SMYD3: variants seen among roughly 807,000 people sequenced by gnomAD.
SMYD3 encodes SET and MYND domain containing 3.
In SMYD3, 36 loss-of-function variants were observed where a neutral mutation model predicts 57.7. The ratio of observed to expected loss-of-function variants is 0.62; its 90% CI spans 0.48 to 0.82. The LOEUF (loss-of-function observed/expected upper bound fraction) is 0.82, where lower values mean the gene tolerates loss of function less well. Ranked by LOEUF, SMYD3 falls within the 40% of genes least tolerant of loss-of-function variation. SMYD3 has a pLI of 0.00. For missense variants in SMYD3, 515 were observed against 538.8 expected (o/e 0.96, Z 0.44); for synonymous variants, 211 against 195.0 (o/e 1.08, Z -0.68).
At chr1:246,359,343 G>C (rs1263099069) in intron 1 of SMYD3, among the ~76,000 whole-genome samples, 1 of 152,082 alleles carries the variant, frequency 6.6e-6, no homozygotes, top group Admixed American at 6.5e-5. Flanking sequence ...AACAAGAAAA[G>C]TCTAGGACCA....
At chr1:246,470,419 G>A (rs570134333) in intron 1 of SMYD3, among the ~76,000 whole-genome samples, 8 of 151,486 alleles carry the variant, frequency 5.3e-5, no homozygotes, top group East Asian at 3.9e-4. Flanking sequence ...TCGCTTGAAC[G>A]TGGAAGGCGG....
chr1:246,329,025 A>C (rs1022401950), intron 4 of SMYD3, among the ~76,000 whole-genome samples: 13 of 152,208 alleles, frequency 8.5e-5, no homozygotes, highest in African/African-American at 2.9e-4. Context: ...TGAACTCATC[A>C]TTTTTTATGG....
chr1:245,949,603 G>A (rs1218115542), intron 5 of SMYD3, among the ~76,000 whole-genome samples: 4 of 152,218 alleles, frequency 2.6e-5, no homozygotes, highest in Non-Finnish European at 4.4e-5. Context: ...GAGGTCAGGA[G>A]TTCAAGACCA....
chr1:246,258,928 TC>T (rs961505752), intron 5 of SMYD3, among the ~76,000 whole-genome samples: 1 of 152,176 alleles, frequency 6.6e-6, no homozygotes, highest in African/African-American at 2.4e-5. Flanking sequence ...TATTTTTTCT[TC>T]CTTTTTGTCT....
At chr1:245,970,589 C>A (rs1179254958) in intron 5 of SMYD3, among the ~76,000 whole-genome samples, 2 of 151,944 alleles carry the variant, frequency 1.3e-5, no homozygotes, top group Admixed American at 6.6e-5. Context: ...CCAGAATCTA[C>A]AAGGAACTTA....
intron 5 of SMYD3, among the ~76,000 whole-genome samples, chr1:246,088,286 T>A (rs930076199): frequency 6.6e-6 from 1 of 152,080 alleles, no homozygotes. Context: ...TCTTTCTCTC[T>A]CTCTCTATTC....
intron 5 of SMYD3, among the ~76,000 whole-genome samples, chr1:246,130,523 C>T (rs996109132): frequency 2.6e-5 from 4 of 152,090 alleles, no homozygotes; most frequent in Admixed American, 2.6e-4. Context: ...CTATATTTAT[C>T]ATTCAAAAAG....
At chr1:246,473,038 G>C (rs1043278912) in intron 1 of SMYD3, among the ~76,000 whole-genome samples, 1 of 151,760 alleles carries the variant, frequency 6.6e-6, no homozygotes, top group African/African-American at 2.4e-5. Context: ...TGTATTTTTA[G>C]TAGAGACTGG....
chr1:246,232,362 C>T (rs1004315467), intron 5 of SMYD3, among the ~76,000 whole-genome samples: 14 of 152,184 alleles, frequency 9.2e-5, no homozygotes, highest in African/African-American at 3.4e-4. Context: ...GTGCTGGATG[C>T]AGTGTGAATT....
At chr1:245,891,571 C>T (rs2053386553) in intron 8 of SMYD3, among the ~76,000 whole-genome samples, 1 of 152,206 alleles carries the variant, frequency 6.6e-6, no homozygotes, top group Admixed American at 6.5e-5. Context: ...CTTCCTTCTG[C>T]TATGTACACC....
At chr1:246,506,978 G>A in intron 1 of SMYD3, 76 bp downstream of exon 1, 6 of 1,174,512 alleles carry the variant, frequency 5.1e-6, no homozygotes, top group East Asian at 3.5e-5. Context: ...CGCGGCTGCC[G>A]GCCGCCCGAC....
At chr1:246,231,119 G>C (rs1275431505) in intron 5 of SMYD3, among the ~76,000 whole-genome samples, 2 of 152,188 alleles carry the variant, frequency 1.3e-5, no homozygotes, top group Admixed American at 6.5e-5. Flanking sequence ...TGCTAAGCAT[G>C]GCATTGGACG....
intron 8 of SMYD3, among the ~76,000 whole-genome samples, chr1:245,894,914 C>T (rs1305398016): frequency 1.3e-5 from 2 of 152,160 alleles, no homozygotes; most frequent in East Asian, 1.9e-4. Context: ...ATCTTTTACC[C>T]GAGGTGGACA....
chr1:245,860,082 G>T (rs2051454010), intron 9 of SMYD3, among the ~76,000 whole-genome samples: 1 of 152,178 alleles, frequency 6.6e-6, no homozygotes, highest in Admixed American at 6.5e-5. Context: ...TTCCCTCTGT[G>T]ACATGACCTC....
chr1:246,429,016 A>G (rs2067261206), intron 1 of SMYD3, among the ~76,000 whole-genome samples: 2 of 151,624 alleles, frequency 1.3e-5, no homozygotes. Flanking sequence ...CCTTCCTACC[A>G]AACAAAAGCT....
At chr1:246,014,930 C>T (rs2059351092) in intron 5 of SMYD3, among the ~76,000 whole-genome samples, 1 of 152,188 alleles carries the variant, frequency 6.6e-6, no homozygotes, top group East Asian at 1.9e-4. Flanking sequence ...TCACCTCTGG[C>T]TCTTTCCCTG....
At chr1:245,888,433 C>A (rs965800813) in intron 8 of SMYD3, among the ~76,000 whole-genome samples, 17 of 151,946 alleles carry the variant, frequency 1.1e-4, no homozygotes, top group African/African-American at 3.9e-4. Flanking sequence ...GTTATTTTAC[C>A]TTTATTTACC....
intron 5 of SMYD3, among the ~76,000 whole-genome samples, chr1:245,938,822 A>G (rs1397330199): frequency 6.6e-6 from 1 of 152,186 alleles, no homozygotes; most frequent in African/African-American, 2.4e-5. Flanking sequence ...TGAGTTGGTA[A>G]GTAGCTAAAA....
intron 5 of SMYD3, among the ~76,000 whole-genome samples, chr1:246,259,076 T>C (rs10802374): frequency 0.21 from 31,336 of 151,956 alleles, 3,881 homozygotes; most frequent in East Asian, 0.57. Flanking sequence ...GGTTGATTTC[T>C]TTTTAAGATA....
Sources: gnomAD v4.1 joint callset for allele counts (sites outside exome capture counted in the v4.1 genomes callset) on GRCh38, gnomAD v4.1.1 for gene constraint, MANE v1.5 for transcripts, NCBI Gene and HGNC (gene_info 2026-07-23, HGNC 2026-07-21) for gene names.